Variants in USP9X observed in about 807,000 individuals in gnomAD.
USP9X encodes ubiquitin carboxyl-terminal hydrolase 9X.
In USP9X, 7 loss-of-function variants were observed where a neutral mutation model predicts 190.3. That is an observed-to-expected ratio of 0.04 (90% CI 0.02 to 0.07). USP9X has a LOEUF of 0.07. USP9X is among the 10% of genes least tolerant of loss of function. USP9X has a pLI of 1.00. For synonymous variants in USP9X, 645 were observed against 659.5 expected (o/e 0.98, Z 0.34); for missense variants, 1,010 against 1,916.9 (o/e 0.53, Z 8.83).
At chrX:41,087,133 C>T (rs2061919328) in intron 1 of USP9X, among the ~76,000 whole-genome samples, 1 of 112,734 alleles carries the variant, frequency 8.9e-6, no homozygotes, top group African/African-American at 3.2e-5. Flanking sequence ...ATAATTGCTT[C>T]AGATTGTCTT....
intron 32 of USP9X, among the ~76,000 whole-genome samples, chrX:41,207,252 T>G (rs1162767870): frequency 1.9e-5 from 2 of 107,681 alleles, no homozygotes; most frequent in Non-Finnish European, 3.8e-5. Flanking sequence ...CCCCGCTAAT[T>G]TTTTGTAGTT....
In USP9X at chrX:41,200,327, T is replaced by C. The variant is rs1323570577; in HGVS notation, c.4604-733T>C. Among the ~76,000 whole-genome samples the C allele has an allele frequency of 3.6e-5, 4 of 111,879 alleles. No homozygotes were observed. The Admixed American group carries it at 3.8e-4, about 11-fold the overall frequency. ...ATTGTTCCCTGTCAACACAGAAATATTTACCTAATTCCATTTTTGGCCATG... is the reference window on the plus strand; with the variant it reads ...ATTGTTCCCTGTCAACACAGAAATACTTACCTAATTCCATTTTTGGCCATG... On this transcript the variant is annotated intron_variant, in intron 30 of 44. Transcript: ENST00000378308.
chrX:41,119,501 AGATT>A (rs1284787935), intron 1 of USP9X, among the ~76,000 whole-genome samples: 6 of 111,244 alleles, frequency 5.4e-5, no homozygotes, highest in African/African-American at 2.0e-4. Context: ...GGCTGGGAAA[AGATT>A]GATTGGGGAT....
At chrX:41,192,572 G>A (rs1203759680) in intron 26 of USP9X, among the ~76,000 whole-genome samples, 3 of 111,908 alleles carry the variant, frequency 2.7e-5, no homozygotes, top group African/African-American at 9.8e-5. Context: ...TTGGTTAAAT[G>A]TTTAGAAAAG....
chrX:41,205,603 G>T, intron 32 of USP9X, 110 bp downstream of exon 32: 3 of 673,967 alleles, frequency 4.5e-6, no homozygotes, highest in Non-Finnish European at 6.2e-6. Context: ...TTAAGCACTG[G>T]TAATATTCAA....
At chrX:41,135,779 C>T (rs781405916) in intron 5 of USP9X, among the ~76,000 whole-genome samples, 33 of 109,697 alleles carry the variant, frequency 3.0e-4, no homozygotes, top group African/African-American at 9.6e-4. Context: ...TACAGGCGTG[C>T]GCCACCACGC....
At chrX:41,126,330 C>T (rs1174501361) in intron 2 of USP9X, among the ~76,000 whole-genome samples, 2 of 111,779 alleles carry the variant, frequency 1.8e-5, no homozygotes, top group African/African-American at 6.5e-5. Flanking sequence ...ATTTGTTAGC[C>T]AGTATTCAGG....
chrX:41,166,860 ATTGT>A (rs1475642429), intron 16 of USP9X, among the ~76,000 whole-genome samples: 1 of 112,104 alleles, frequency 8.9e-6, no homozygotes, highest in Admixed American at 9.5e-5. Flanking sequence ...GGTTTTCAAC[ATTGT>A]TTTAACAGCA....
rs755563155 is a variant in USP9X, at chrX:41,223,296, T to G, written c.6645T>G (p.Gly2215=). The change falls in exon 39 of 45, where the codon GGT becomes GGG. Residue 2215 remains glycine, a synonymous_variant. Coordinates refer to ENST00000378308, the MANE Select transcript of USP9X (RefSeq NM_001039591.3). Reference sequence around the variant, plus strand: ...TTGTGTCTTTAGATGAAGGTCCAGGTCCTCCAATCAAATACCAGTATGCTG... The same window carrying G: ...TTGTGTCTTTAGATGAAGGTCCAGGGCCTCCAATCAAATACCAGTATGCTG... ...FMLVSLDEGP[G]PPIKYQYAEL... is the part of the protein sequence containing the mutation. 3 of 1,211,716 alleles carry G rather than the reference T, an allele frequency of 2.5e-6. No homozygotes were observed. The highest frequency in any genetic ancestry group is 3.4e-6 in the Non-Finnish European group (3 of 895,424).
intron 33 of USP9X, among the ~76,000 whole-genome samples, chrX:41,210,937 CTTCCT>C (rs763766414): frequency 3.6e-4 from 40 of 110,010 alleles, no homozygotes; most frequent in Middle Eastern, 9.3e-3. Flanking sequence ...CAGTCTCTTT[CTTCCT>C]TTCCTTTCCT....
intron 4 of USP9X, among the ~76,000 whole-genome samples, chrX:41,132,314 T>C (rs1369968167): frequency 2.3e-5 from 2 of 87,614 alleles, no homozygotes; most frequent in Non-Finnish European, 4.6e-5. Flanking sequence ...TTTTTTTTTT[T>C]TTTTTTGAGA....
At chrX:41,143,217 A>T in intron 9 of USP9X, 74 bp from the exon 10 acceptor site, 1 of 743,114 alleles carries the variant, frequency 1.3e-6, no homozygotes, top group Non-Finnish European at 1.8e-6. Context: ...TATATTATTT[A>T]ATAATAGTGT....
chrX:41,160,837 T>C (rs2062623268), intron 14 of USP9X, among the ~76,000 whole-genome samples: 1 of 112,248 alleles, frequency 8.9e-6, no homozygotes, highest in Non-Finnish European at 1.9e-5. Context: ...AAATGCAATG[T>C]ATATTTAATC....
At chrX:41,189,778 A>C (rs909013544) in intron 26 of USP9X, 17 of 164,600 alleles carry the variant, frequency 1.0e-4, no homozygotes, top group African/African-American at 5.2e-4. Context: ...ATCATATAGG[A>C]CATTAGCCTC....
intron 1 of USP9X, among the ~76,000 whole-genome samples, chrX:41,106,887 CTTTTT>C (rs60809399): frequency 0.15 from 11,830 of 79,801 alleles, 784 homozygotes; most frequent in Admixed American, 0.23. Context: ...CTTTTCTTTT[CTTTTT>C]TTTTTTTTTT....
intron 10 of USP9X, among the ~76,000 whole-genome samples, chrX:41,144,158 A>G (rs938805841): frequency 7.2e-5 from 8 of 111,071 alleles, no homozygotes; most frequent in African/African-American, 2.6e-4. Flanking sequence ...TGTATTTATT[A>G]TATCATGAAA....
intron 41 of USP9X, among the ~76,000 whole-genome samples, chrX:41,226,313 A>G (rs1054811703): frequency 1.8e-5 from 2 of 111,775 alleles, no homozygotes; most frequent in African/African-American, 6.5e-5. Flanking sequence ...TTTTGTAGTA[A>G]AAGTTGAATA....
intron 14 of USP9X, among the ~76,000 whole-genome samples, chrX:41,157,367 T>G (rs2239496): frequency 0.21 from 22,682 of 109,964 alleles, 1,813 homozygotes; most frequent in East Asian, 0.41. Context: ...CACACAGACA[T>G]GCAGTGGTAA....
chrX:41,200,920 C>T, intron 30 of USP9X, 140 bp from the exon 31 acceptor site: 1 of 585,958 alleles, frequency 1.7e-6, no homozygotes, highest in Middle Eastern at 5.3e-4. Context: ...AGTGCAAACT[C>T]AGAACACTGC....
Sources: allele counts gnomAD v4.1 joint callset (sites outside exome capture counted in the v4.1 genomes callset), GRCh38; gene constraint gnomAD v4.1.1; transcripts MANE v1.5; gene names NCBI Gene and HGNC (gene_info 2026-07-23, HGNC 2026-07-21).